Variants in PKP1 observed in about 807,000 individuals in gnomAD.
PKP1 encodes plakophilin 1.
Under a neutral mutation model 76.4 loss-of-function variants are expected in PKP1, and 27 were observed. That is an observed-to-expected ratio of 0.35 (90% CI 0.26 to 0.49). The LOEUF is 0.49. PKP1 is among the 20% of genes least tolerant of loss of function. The pLI is 0.99. For synonymous variants in PKP1, 404 were observed against 384.2 expected, an observed-to-expected ratio of 1.05 and a Z score of -0.60; for missense variants, 964 against 955.2, an observed-to-expected ratio of 1.01 and a Z score of -0.12.
intron 1 of PKP1, among the ~76,000 whole-genome samples, chr1:201,291,980 CT>C (rs996840588): frequency 6.6e-6 from 1 of 152,198 alleles, no homozygotes; most frequent in African/African-American, 2.4e-5. Context: ...GGAGGAAGAG[CT>C]GTGTGCACTC....
chr1:201,306,922 G>A (rs547433515), intron 2 of PKP1, among the ~76,000 whole-genome samples: 6 of 152,170 alleles, frequency 3.9e-5, no homozygotes, highest in South Asian at 2.1e-4. Context: ...CGCCCGCCTC[G>A]GCCTCCCAAA....
chr1:201,283,928 T>C lies in PKP1; in HGVS notation c.202+24T>C, dbSNP rs370346053. The C allele has an allele frequency of 2.2e-4, 360 of 1,604,762 alleles. 1 individual carries two copies. Among genetic ancestry groups the C allele is most frequent in the Middle Eastern group, 1.7e-4 (1 of 6,040 alleles). On this transcript the variant is annotated intron_variant, in intron 1 of 13. Transcript: ENST00000367324. ...AGGTAAAGGCTCGGCCCCCGCGTGG[T>C]CCGTGCGCCCCTTTCCAGAGCACCC...
intron 1 of PKP1, among the ~76,000 whole-genome samples, chr1:201,290,033 C>T (rs965828213): frequency 8.5e-5 from 13 of 152,168 alleles, no homozygotes; most frequent in African/African-American, 3.1e-4. Flanking sequence ...AAAGAAGGAG[C>T]TGCCTCCAGT....
In PKP1 at chr1:201,285,220, CCACACACACA is replaced by C. The variant is rs140683611; in HGVS notation, c.202+1352_202+1361del. 4.9e-3 allele frequency among the ~76,000 whole-genome samples: 672 copies of C among 136,796 alleles called. 2 individuals carry two copies. The highest frequency in any genetic ancestry group is 0.017 in the East Asian group (74 of 4,448). The allele number at this position is 136,796 out of a possible 152,430, so 89.7% of individuals were successfully genotyped here. On this transcript the variant is annotated intron_variant, in intron 1 of 13. Transcript: ENST00000367324. ...AAAGAAACCGACCCTGGCCCTTCCACCACACACACACACACACACACACACACACACACAC... is the reference window on the plus strand; with the variant it reads ...AAAGAAACCGACCCTGGCCCTTCCACCACACACACACACACACACACACAC...
rs552192560 is a variant in PKP1, at chr1:201,309,702, G to A, written c.307-3464G>A. Among the ~76,000 whole-genome samples the A allele has an allele frequency of 1.6e-4, 24 of 152,302 alleles. No homozygotes were observed. The South Asian group carries it at 2.7e-3, about 17-fold the overall frequency. ...TGCAGCGGGCGCACGTGCACTGCCC[G>A]TGCATCCTCTTCTGGCTGCAGCTGC... On this transcript the variant is annotated intron_variant, in intron 2 of 13. Coordinates refer to ENST00000367324, the MANE Select transcript of PKP1 (RefSeq NM_001005337.3).
intron 1 of PKP1, among the ~76,000 whole-genome samples, chr1:201,290,418 G>A (rs1655879372): frequency 6.6e-6 from 1 of 152,040 alleles, no homozygotes. Flanking sequence ...GGAGAAGAGG[G>A]GCAAAGCAGA....
At chr1:201,312,782 C>T (rs1422403495) in intron 2 of PKP1, among the ~76,000 whole-genome samples, 1 of 152,184 alleles carries the variant, frequency 6.6e-6, no homozygotes. Context: ...GTTCATCCTC[C>T]CTCTTATGAC....
chr1:201,307,581 G>A lies in PKP1; in HGVS notation c.307-5585G>A, dbSNP rs182375141. On this transcript the variant is annotated intron_variant, in intron 2 of 13. Transcript: ENST00000367324. ...GCTCTCCAAACCCCTAGAGAGGGTA[G>A]AGCAGAGCCGCTAAGCCACTTGCGA... is the stretch of plus-strand genomic sequence containing the variant. 2.0e-4 allele frequency among the ~76,000 whole-genome samples: 31 copies of A among 152,308 alleles called. No homozygotes were observed. In the East Asian group the frequency reaches 5.8e-3, roughly 28 times the overall value.
intron 1 of PKP1, 45 bp from the exon 2 acceptor site, chr1:201,293,897 A>T: frequency 7.8e-7 from 1 of 1,280,160 alleles, no homozygotes; most frequent in Non-Finnish European, 1.1e-6. Flanking sequence ...GGGGTGGATG[A>T]AGATCATGGC....
chr1:201,312,588 C>A (rs1016753255), intron 2 of PKP1, among the ~76,000 whole-genome samples: 1 of 152,206 alleles, frequency 6.6e-6, no homozygotes, highest in East Asian at 1.9e-4. Flanking sequence ...ACAGCACCCA[C>A]GTAAAGAAAC....
In PKP1 at chr1:201,313,321, C is replaced by A. The variant is rs760911627; in HGVS notation, c.462C>A (p.Arg154=). ...ICFMQKIKAS[R]SEPDLYCDPR... ...TCATGCAGAAAATCAAGGCGAGCCGCAGTGAGCCCGACCTCTACTGTGACC... is the reference window on the plus strand; with the variant it reads ...TCATGCAGAAAATCAAGGCGAGCCGAAGTGAGCCCGACCTCTACTGTGACC... Residue 154 remains arginine, a synonymous_variant, in exon 3 of 14, where the codon CGC becomes CGA. Coordinates refer to ENST00000367324, the MANE Select transcript of PKP1 (RefSeq NM_001005337.3). The A allele has an allele frequency of 2.5e-6, 4 of 1,594,530 alleles. No homozygotes were observed. Among genetic ancestry groups the A allele is most frequent in the Non-Finnish European group, 3.4e-6 (4 of 1,170,546 alleles).
rs1397427322 is a variant in PKP1 at position 201,283,858 on chromosome 1, G to T, written c.156G>T (p.Gln52His). 4 of 1,614,084 alleles carry T rather than the reference G, an allele frequency of 2.5e-6. No homozygotes were observed. The highest frequency in any genetic ancestry group is 3.4e-6 in the Non-Finnish European group (4 of 1,180,018). ...AGGTGATGATGACCGTCAAGCGGCAGAAGTCCAAGTCTTCCCAGTCGTCCA... is the reference window on the plus strand; with the variant it reads ...AGGTGATGATGACCGTCAAGCGGCATAAGTCCAAGTCTTCCCAGTCGTCCA... ...QEQVMMTVKR[Q>H]KSKSSQSSTL... The change falls in exon 1 of 14, where the codon CAG (glutamine) becomes CAT (histidine). Residue 52 changes from glutamine to histidine, a missense_variant. Coordinates refer to ENST00000367324, the MANE Select transcript of PKP1 (RefSeq NM_001005337.3).
At chr1:201,290,803 T>C (rs897191663) in intron 1 of PKP1, among the ~76,000 whole-genome samples, 1 of 152,140 alleles carries the variant, frequency 6.6e-6, no homozygotes, top group Non-Finnish European at 1.5e-5. Flanking sequence ...GTGTCCAAAG[T>C]ACATGGTGGT....
In PKP1 at chr1:201,323,075, G is replaced by A; in HGVS notation, c.1566G>A (p.Leu522=). 1 of 1,614,150 alleles carries A rather than the reference G, an allele frequency of 6.2e-7. No individual in the cohort carries two copies. Among genetic ancestry groups the A allele is most frequent in the Non-Finnish European group, 8.5e-7 (1 of 1,180,016 alleles). The change falls in exon 9 of 14, where the codon TTG becomes TTA. Residue 522 remains leucine, a synonymous_variant. Transcript: ENST00000367324. ...CCAACCCCAAGGGCAGCGGCTGGTT[G>A]TACCATTCAGATGCCATCCGCACCT... ...EETNPKGSGW[L]YHSDAIRTYL...
intron 8 of PKP1, 44 bp downstream of exon 8, chr1:201,322,177 C>G: frequency 6.3e-7 from 1 of 1,594,456 alleles, no homozygotes; most frequent in Non-Finnish European, 8.5e-7. Context: ...CATCAAGCAC[C>G]CCCCCAGGAG....
chr1:201,318,432 G>C (rs539947358), intron 5 of PKP1, among the ~76,000 whole-genome samples, 186 bp from the exon 6 acceptor site: 1 of 152,216 alleles, frequency 6.6e-6, no homozygotes, highest in Non-Finnish European at 1.5e-5. Flanking sequence ...AGAACCTTCA[G>C]TCTGGTTGGG....
intron 9 of PKP1, among the ~76,000 whole-genome samples, chr1:201,323,964 C>T (rs1657028831): frequency 6.6e-6 from 1 of 152,154 alleles, no homozygotes; most frequent in Non-Finnish European, 1.5e-5. Context: ...TTTTCTCAGG[C>T]AAGCCCTCAA....
intron 8 of PKP1, 85 bp downstream of exon 8, chr1:201,322,218 C>A (rs764735615): frequency 3.5e-6 from 5 of 1,445,932 alleles, no homozygotes; most frequent in Non-Finnish European, 4.7e-6. Context: ...TCCTCTGGGC[C>A]CTCCTGGAGC....
intron 2 of PKP1, among the ~76,000 whole-genome samples, chr1:201,303,602 A>T (rs76361318): frequency 6.6e-6 from 1 of 152,044 alleles, no homozygotes; most frequent in African/African-American, 2.4e-5. Flanking sequence ...GAAAAGTTTT[A>T]TTTTTTTGTT....
Sources: gnomAD v4.1 joint callset for allele counts (sites outside exome capture counted in the v4.1 genomes callset) on GRCh38, gnomAD v4.1.1 for gene constraint, MANE v1.5 for transcripts, NCBI Gene and HGNC (gene_info 2026-07-23, HGNC 2026-07-21) for gene names.